The following NDST3 variants were observed in gnomAD, a reference collection of about 807,000 sequenced individuals.
NDST3 encodes bifunctional heparan sulfate N-deacetylase/N-sulfotransferase 3.
A neutral mutation model predicts 96.1 loss-of-function variants in NDST3; 58 were observed. The ratio of observed to expected loss-of-function variants is 0.60; its 90% CI spans 0.49 to 0.75. The LOEUF (loss-of-function observed/expected upper bound fraction) is 0.75, where lower values mean the gene tolerates loss of function less well. NDST3 is among the 30% of genes least tolerant of loss of function. The probability of loss-of-function intolerance (pLI) is 0.00; values close to 1 mark genes in which losing one functional copy is unlikely to be tolerated. For missense variants in NDST3, 788 were observed against 1,034.2 expected, an observed-to-expected ratio of 0.76 and a Z score of 3.27; for synonymous variants, 333 against 359.7, an observed-to-expected ratio of 0.93 and a Z score of 0.84.
At chr4:118,166,810 C>A (rs1735581045) in intron 6 of NDST3, among the ~76,000 whole-genome samples, 1 of 151,648 alleles carries the variant, frequency 6.6e-6, no homozygotes, top group East Asian at 1.9e-4. Flanking sequence ...ATGATCATCC[C>A]AATAGATACA....
intron 6 of NDST3, among the ~76,000 whole-genome samples, chr4:118,153,697 G>A (rs1242388203): frequency 6.6e-6 from 1 of 152,094 alleles, no homozygotes; most frequent in African/African-American, 2.4e-5. Context: ...GGTGGTGCAT[G>A]CCTGTAATCC....
At chr4:118,103,092 T>C (rs1244144701) in intron 2 of NDST3, among the ~76,000 whole-genome samples, 1 of 152,068 alleles carries the variant, frequency 6.6e-6, no homozygotes. Context: ...GTTTTTCTTA[T>C]CAAGTTTTGT....
rs12640268 is a variant in NDST3, at chr4:118,250,561, C to T, written c.2400-2938C>T. 4.1e-3 allele frequency among the ~76,000 whole-genome samples: 615 copies of T among 151,812 alleles called. 33 individuals are homozygous for T. The East Asian group carries it at 0.1, about 25-fold the overall frequency. ...GTGCAATGGCACAAACTCGGCTCAC[C>T]GCAACCTCTGCCCCCCAGGTTCAAG... is the stretch of plus-strand genomic sequence containing the variant. On this transcript the variant is annotated intron_variant, in intron 12 of 13. Coordinates refer to ENST00000296499, the MANE Select transcript of NDST3 (RefSeq NM_004784.3).
chr4:118,153,537 G>A (rs986317192), intron 6 of NDST3, among the ~76,000 whole-genome samples: 2 of 152,110 alleles, frequency 1.3e-5, no homozygotes, highest in African/African-American at 2.4e-5. Flanking sequence ...TGTGTAATAA[G>A]TTTGGCTGGG....
Position 118,237,126 on chromosome 4 carries a change from A to G in NDST3, c.2024A>G (p.Glu675Gly). ...FEKSANYFHSEEAPKRAASLV... is the reference protein window; with the variant it reads ...FEKSANYFHSGEAPKRAASLV... ...AAGAGTGCCAATTACTTCCACTCAG[A>G]GGAAGCCCCTAAAAGAGCTGCTTCT... Residue 675 changes from glutamate to glycine, a missense_variant, in exon 10 of 14, where the codon GAG becomes GGG. Glu to Gly is a moderately conservative substitution (Grantham distance 98, BLOSUM62 -2). This residue lies in a region of NDST3 where 490 missense variants were observed against 708.8 expected (regional missense o/e 0.69). Transcript: ENST00000296499. 1 of 1,613,466 alleles carries G rather than the reference A, an allele frequency of 6.2e-7. No homozygotes were observed.
intron 12 of NDST3, among the ~76,000 whole-genome samples, chr4:118,249,326 T>A (rs1336079933): frequency 6.6e-6 from 1 of 152,182 alleles, no homozygotes; most frequent in Non-Finnish European, 1.5e-5. Context: ...AGAATTCAAT[T>A]TTGGAAAATT....
chr4:118,181,192 T>C (rs1226583479), intron 6 of NDST3, among the ~76,000 whole-genome samples: 1 of 152,016 alleles, frequency 6.6e-6, no homozygotes, highest in Non-Finnish European at 1.5e-5. Context: ...TCACCAGAAG[T>C]CTCCTTTAGG....
intron 2 of NDST3, among the ~76,000 whole-genome samples, chr4:118,092,627 T>G (rs887179178): frequency 6.6e-6 from 1 of 151,800 alleles, no homozygotes; most frequent in Non-Finnish European, 1.5e-5. Context: ...GTACCTCAGC[T>G]TCAGGTCTAA....
intron 4 of NDST3, among the ~76,000 whole-genome samples, chr4:118,136,494 C>G (rs930146833): frequency 6.6e-6 from 1 of 151,938 alleles, no homozygotes; most frequent in Admixed American, 6.6e-5. Context: ...TTTTAAAAAC[C>G]AGTACGAAAA....
At chr4:118,086,784 C>A (rs892065627) in intron 2 of NDST3, among the ~76,000 whole-genome samples, 1 of 152,060 alleles carries the variant, frequency 6.6e-6, no homozygotes, top group Non-Finnish European at 1.5e-5. Flanking sequence ...ATTTTAAATG[C>A]TTTTTGTAGT....
chr4:118,081,392 T>G, intron 2 of NDST3, among the ~76,000 whole-genome samples: 1 of 142,810 alleles, frequency 7.0e-6, no homozygotes, highest in Admixed American at 7.6e-5. Context: ...TTTTAAATGA[T>G]GCATACAATG....
rs1270844078 is a variant in NDST3, at chr4:118,066,482, T to C, written c.981+11591T>C. ...TATACATTATATATGTTATATATTA[T>C]ATATACATTATATATGTTATATATT... On this transcript the variant is annotated intron_variant, in intron 2 of 13. Transcript: ENST00000296499. Among the ~76,000 whole-genome samples, 2 of 34,736 alleles carry C rather than the reference T, an allele frequency of 5.8e-5. 1 individual carries two copies. The highest frequency in any genetic ancestry group is 2.0e-3 in the East Asian group (2 of 986). The allele number at this position is 34,736 out of a possible 152,430, so 22.8% of individuals were successfully genotyped here. A position where few individuals can be genotyped will look rare whatever the true frequency, so the allele number is the denominator to read the frequency against.
chr4:118,171,191 T>C (rs1295455294), intron 6 of NDST3, among the ~76,000 whole-genome samples: 1 of 152,216 alleles, frequency 6.6e-6, no homozygotes, highest in East Asian at 1.9e-4. Context: ...CATTTCTTTC[T>C]TTGTAGTAGA....
At chr4:118,045,087 C>T (rs191950388) in intron 1 of NDST3, among the ~76,000 whole-genome samples, 2 of 152,190 alleles carry the variant, frequency 1.3e-5, no homozygotes, top group Admixed American at 6.5e-5. Flanking sequence ...TCTGGGTTAC[C>T]CATACATAGT....
At chr4:118,240,750 G>C in intron 11 of NDST3, 56 bp downstream of exon 11, 1 of 1,479,570 alleles carries the variant, frequency 6.8e-7, no homozygotes, top group Non-Finnish European at 9.1e-7. Flanking sequence ...TGATGACTTT[G>C]CCTTAAGGTT....
At chr4:118,209,143 G>C (rs1483554990) in intron 6 of NDST3, among the ~76,000 whole-genome samples, 1 of 152,058 alleles carries the variant, frequency 6.6e-6, no homozygotes, top group Non-Finnish European at 1.5e-5. Context: ...TATTGTGGAG[G>C]GAGTGATTTA....
chr4:118,183,347 CCTTCT>C (rs909763938), intron 6 of NDST3, among the ~76,000 whole-genome samples: 2 of 152,112 alleles, frequency 1.3e-5, no homozygotes, highest in Non-Finnish European at 2.9e-5. Context: ...GGTTTCCAGC[CCTTCT>C]CTTCTTTCTC....
chr4:118,100,991 T>C (rs887692199), intron 2 of NDST3, among the ~76,000 whole-genome samples: 2 of 152,152 alleles, frequency 1.3e-5, no homozygotes, highest in Admixed American at 1.3e-4. Flanking sequence ...AAATAGTATA[T>C]GATTGACTAT....
At chr4:118,230,666 G>A (rs1023125697) in intron 8 of NDST3, among the ~76,000 whole-genome samples, 13 of 151,894 alleles carry the variant, frequency 8.6e-5, no homozygotes, top group Admixed American at 2.6e-4. Context: ...GTTTTAACAA[G>A]CCCCCAGATG....
Sources: allele counts gnomAD v4.1 joint callset (sites outside exome capture counted in the v4.1 genomes callset), GRCh38; gene constraint gnomAD v4.1.1; regional missense constraint gnomAD v4.1.1; transcripts MANE v1.5; gene names NCBI Gene and HGNC (gene_info 2026-07-23, HGNC 2026-07-21).